Variants in MUC22 observed in about 807,000 individuals in gnomAD.
The protein encoded by MUC22 is mucin-22.
A neutral mutation model predicts 40.3 loss-of-function variants in MUC22; 24 were observed. That is an observed-to-expected ratio of 0.60 (90% CI 0.43 to 0.84). MUC22 has a LOEUF of 0.84. MUC22 is among the 40% of genes least tolerant of loss of function. MUC22 has a pLI of 0.00. For missense variants in MUC22, 1,926 were observed against 2,130.7 expected (o/e 0.90, Z 1.89); for synonymous variants, 765 against 844.5 (o/e 0.91, Z 1.63).
exon 2 of MUC22, chr6:31,028,028 C>A (rs916818803): frequency 6.5e-7 from 1 of 1,533,140 alleles, no homozygotes; most frequent in Non-Finnish European, 8.7e-7. Context: ...TCTGAGACCA[C>A]CTCAGCCTCT....
At chr6:31,019,282 T>C (rs1223378737) in intron 1 of MUC22, among the ~76,000 whole-genome samples, 1 of 152,242 alleles carries the variant, frequency 6.6e-6, no homozygotes, top group East Asian at 1.9e-4. Flanking sequence ...GGTTCTACTT[T>C]TCTAATTTCA....
At chr6:31,010,891 A>ATT (rs3084544) in intron 1 of MUC22, 115 bp downstream of exon 1, 133 of 548,686 alleles carry the variant, frequency 2.4e-4, no homozygotes, top group South Asian at 6.8e-4. Context: ...ATGATGATTC[A>ATT]TTTTTTTTTT....
chr6:31,026,377 G>C (rs924346367), exon 2 of MUC22: 1 of 1,506,974 alleles, frequency 6.6e-7, no homozygotes, highest in African/African-American at 1.4e-5. Context: ...TTCAGGTTCT[G>C]AGATCACCAC....
At chr6:31,022,460 A>T (rs960434009) in intron 1 of MUC22, among the ~76,000 whole-genome samples, 4 of 151,466 alleles carry the variant, frequency 2.6e-5, no homozygotes, top group Middle Eastern at 3.2e-3. Flanking sequence ...CAAGACTGAC[A>T]TTTTTTTTTA....
rs4713420 is a variant in MUC22, at chr6:31,025,790, G to T, written c.359G>T (p.Gly120Val). Residue 120 changes from glycine (G) to valine (V), a missense_variant, in exon 2 of 4, where the codon GGC becomes GTC. Coordinates refer to ENST00000561890, the Ensembl canonical transcript of MUC22. ...ACCACAGGCTCTGACACAACCACAGGCTCCACTGCAGGCTCTGAAACTATC... is the reference window on the plus strand; with the variant it reads ...ACCACAGGCTCTGACACAACCACAGTCTCCACTGCAGGCTCTGAAACTATC... The T allele has an allele frequency of 0.18, 268,974 of 1,532,806 alleles. 24,446 individuals are homozygous for T. The highest frequency in any genetic ancestry group is 0.29 in the East Asian group (11,796 of 40,774). 95.0% of individuals were successfully genotyped at this position (1,532,806 alleles called of 1,614,324 possible). A position where few individuals can be genotyped will look rare whatever the true frequency, so the allele number is the denominator to read the frequency against.
intron 1 of MUC22, among the ~76,000 whole-genome samples, chr6:31,015,223 T>G (rs919177038): frequency 6.6e-6 from 1 of 152,204 alleles, no homozygotes; most frequent in African/African-American, 2.4e-5. Context: ...TATCAGCTCA[T>G]GCTCCTGGCT....
intron 1 of MUC22, among the ~76,000 whole-genome samples, chr6:31,018,547 T>C (rs1465690963): frequency 2.0e-5 from 3 of 152,268 alleles, no homozygotes; most frequent in African/African-American, 4.8e-5. Flanking sequence ...TCTGCTGTTA[T>C]CTCTCCATCG....
intron 1 of MUC22, among the ~76,000 whole-genome samples, chr6:31,021,025 C>T (rs1007312973): frequency 4.8e-5 from 5 of 103,304 alleles, no homozygotes; most frequent in East Asian, 2.2e-4. Flanking sequence ...GGCTTCTGTG[C>T]GGCCGGAGCC....
At chr6:31,010,860 A>G in intron 1 of MUC22, 84 bp downstream of exon 1, 2 of 659,640 alleles carry the variant, frequency 3.0e-6, no homozygotes, top group Non-Finnish European at 5.4e-6. Context: ...CTGCCCAGGC[A>G]TGACTCTTCT....
upstream of MUC22, among the ~76,000 whole-genome samples, chr6:31,008,794 A>G (rs7765796): frequency 0.15 from 22,476 of 151,996 alleles, 1,740 homozygotes; most frequent in Admixed American, 0.2. Context: ...TAACCCGCCC[A>G]CCTTGGCTTC....
upstream of MUC22, among the ~76,000 whole-genome samples, chr6:31,007,710 C>A (rs147007471): frequency 6.6e-6 from 1 of 152,128 alleles, no homozygotes; most frequent in Non-Finnish European, 1.5e-5. This position sits in a 1 kb window ranked among gnomAD's most constrained non-coding sequence, Gnocchi z 4.0. Context: ...GTGTACTCTA[C>A]GTAATTGCCG....
At chr6:31,012,598 T>C (rs1763930008) in intron 1 of MUC22, among the ~76,000 whole-genome samples, 1 of 152,212 alleles carries the variant, frequency 6.6e-6, no homozygotes, top group Admixed American at 6.5e-5. Flanking sequence ...TTGACCCCCA[T>C]GGAACACTTG....
chr6:31,010,633 C>A (rs1439911050), exon 1 of MUC22: 1 of 698,972 alleles, frequency 1.4e-6, no homozygotes, highest in Non-Finnish European at 2.6e-6. Context: ...CCCCTTGTCT[C>A]TCTGCCTCTT....
chr6:31,013,285 C>G (rs1311096956), intron 1 of MUC22, among the ~76,000 whole-genome samples: 5 of 151,916 alleles, frequency 3.3e-5, no homozygotes, highest in African/African-American at 1.2e-4. Context: ...CACCGCCACG[C>G]CCAGCTAATT....
intron 1 of MUC22, among the ~76,000 whole-genome samples, chr6:31,020,207 G>C (rs943072521): frequency 1.3e-5 from 2 of 151,938 alleles, no homozygotes; most frequent in African/African-American, 4.8e-5. Context: ...GGAAATCCTA[G>C]AATGAGCTAG....
At chr6:31,026,249 C>T (rs534992021) in exon 2 of MUC22, 3 of 1,278,024 alleles carry the variant, frequency 2.3e-6, no homozygotes, top group Non-Finnish European at 3.1e-6. Flanking sequence ...GCCTCTACCA[C>T]AGGCTCTGAG....
At chr6:31,016,548 GAATAGGT>G (rs1420457633) in intron 1 of MUC22, among the ~76,000 whole-genome samples, 3 of 152,258 alleles carry the variant, frequency 2.0e-5, no homozygotes, top group Non-Finnish European at 2.9e-5. Context: ...CTGAGCAAGG[GAATAGGT>G]AATGTGGGTT....
chr6:31,030,362 A>G (rs1765965277), intron 2 of MUC22, among the ~76,000 whole-genome samples: 1 of 151,888 alleles, frequency 6.6e-6, no homozygotes, highest in Non-Finnish European at 1.5e-5. Flanking sequence ...CTAAAAATAC[A>G]AAAAATTAGC....
upstream of MUC22, among the ~76,000 whole-genome samples, chr6:31,008,569 G>C (rs1208720778): frequency 2.2e-5 from 3 of 137,630 alleles, no homozygotes; most frequent in Non-Finnish European, 4.7e-5. Flanking sequence ...TTTTTTTTGA[G>C]ACGGAGTCTC....
Sources: allele counts gnomAD v4.1 joint callset (sites outside exome capture counted in the v4.1 genomes callset), GRCh38; gene constraint gnomAD v4.1.1; non-coding constraint Gnocchi (gnomAD v3.1); transcripts MANE v1.5; gene names NCBI Gene and HGNC (gene_info 2026-07-23, HGNC 2026-07-21).